The following CYFIP2 variants were observed in gnomAD, a reference collection of about 807,000 sequenced individuals.
The protein encoded by CYFIP2 is cytoplasmic FMR1 interacting protein 2, also known as cytoplasmic FMR1-interacting protein 2.
A neutral mutation model predicts 158.7 loss-of-function variants in CYFIP2; 29 were observed. The observed-to-expected ratio is 0.18, with a 90% CI of 0.14 to 0.25. The LOEUF (loss-of-function observed/expected upper bound fraction) is 0.25, where lower values mean the gene tolerates loss of function less well. Among genes scored for constraint, CYFIP2 ranks in the 10% least tolerant of loss-of-function variants. The probability of loss-of-function intolerance (pLI) is 1.00; values close to 1 mark genes in which losing one functional copy is unlikely to be tolerated. For missense variants in CYFIP2, 852 were observed against 1,639.5 expected, an observed-to-expected ratio of 0.52 and a Z score of 8.29; for synonymous variants, 585 against 617.6, an observed-to-expected ratio of 0.95 and a Z score of 0.78.
At chr5:157,351,611 C>T (rs997843551) in intron 23 of CYFIP2, among the ~76,000 whole-genome samples, 1 of 146,544 alleles carries the variant, frequency 6.8e-6, no homozygotes, top group Non-Finnish European at 1.6e-5. Context: ...TGGCTGCTCT[C>T]ACAAAGCAAG....
At chr5:157,281,892 A>G (rs1318253534) in intron 1 of CYFIP2, among the ~76,000 whole-genome samples, 1 of 152,120 alleles carries the variant, frequency 6.6e-6, no homozygotes, top group Non-Finnish European at 1.5e-5. Flanking sequence ...TTTTTTAAGT[A>G]GAAGATGTGT....
intron 12 of CYFIP2, 129 bp downstream of exon 12, chr5:157,314,592 T>A: frequency 7.6e-7 from 1 of 1,316,154 alleles, no homozygotes; most frequent in Non-Finnish European, 1.0e-6. Context: ...GATTTACCCA[T>A]TTAAAGTATA....
intron 1 of CYFIP2, among the ~76,000 whole-genome samples, chr5:157,274,903 A>G (rs922566534): frequency 1.3e-5 from 2 of 152,104 alleles, no homozygotes; most frequent in African/African-American, 2.4e-5. Flanking sequence ...CTCTTTATTA[A>G]TGAGTTTTAA....
intron 4 of CYFIP2, among the ~76,000 whole-genome samples, chr5:157,295,145 AAAAG>A (rs750183770): frequency 1.2e-4 from 18 of 152,324 alleles, no homozygotes; most frequent in Non-Finnish European, 2.6e-4. Flanking sequence ...GTATGAAGTA[AAAAG>A]AAAGATGTTC....
rs558649015 is a variant in CYFIP2, at chr5:157,294,438, T to C, written c.208-345T>C. 5.3e-5 allele frequency among the ~76,000 whole-genome samples: 8 copies of C among 152,354 alleles called. No homozygotes were observed. The South Asian group carries it at 1.7e-3, about 32-fold the overall frequency. The stretch of plus-strand genomic sequence containing the variant: ...TAACCTATCTGCTGTACATACTGTT[T>C]TGCTACTTGCTTATTTTCTTGCTAA... On this transcript the variant is annotated intron_variant, in intron 3 of 30. Transcript: ENST00000620254.
Position 157,394,198 on chromosome 5 carries a change from A to G in CYFIP2, c.*1198A>G, listed in dbSNP as rs1315304594. The G allele has an allele frequency of 6.6e-6, 1 of 152,114 alleles. No homozygotes were observed. Among genetic ancestry groups the G allele is most frequent in the Non-Finnish European group, 1.5e-5 (1 of 68,040 alleles). The allele number at this position is 152,114 out of a possible 1,614,324, so 9.4% of individuals were successfully genotyped here. On this transcript the variant is annotated 3_prime_UTR_variant, in exon 31 of 31. Coordinates refer to ENST00000620254, the MANE Select transcript of CYFIP2 (RefSeq NM_001037333.3). ...TCTCCCAGGGGTAACATTTACTTCC[A>G]TTTTCTAGACTGAACCAAAAGTCTT...
At chr5:157,392,752 C>A in intron 30 of CYFIP2, 81 bp from the exon 31 acceptor site, 1 of 1,493,806 alleles carries the variant, frequency 6.7e-7, no homozygotes, top group Non-Finnish European at 9.2e-7. Flanking sequence ...GGACCCTGGA[C>A]CTCAGTGACT....
At chr5:157,373,019 T>C (rs1438459416) in intron 26 of CYFIP2, among the ~76,000 whole-genome samples, 2 of 152,068 alleles carry the variant, frequency 1.3e-5, no homozygotes, top group African/African-American at 4.8e-5. Context: ...CGAGAGAGGG[T>C]CATGCCTTAA....
Position 157,330,975 on chromosome 5 carries a change from G to T in CYFIP2, c.2265+125G>T, listed in dbSNP as rs181389620. 3 of 702,400 alleles carry T rather than the reference G, an allele frequency of 4.3e-6. No individual in the cohort carries two copies. In the Admixed American group the frequency reaches 7.6e-5, roughly 18 times the overall value. The allele number at this position is 702,400 out of a possible 1,614,324, so 43.5% of individuals were successfully genotyped here. On this transcript the variant is annotated intron_variant, in intron 20 of 30. Transcript: ENST00000620254. ...CGGCATGTTGCCAGTGTGGATTTCC[G>T]AGCCTGGGTGTAGCACAGCCTCAGG... is the stretch of plus-strand genomic sequence containing the variant.
intron 1 of CYFIP2, among the ~76,000 whole-genome samples, chr5:157,272,145 T>C (rs1756153730): frequency 6.6e-6 from 1 of 152,234 alleles, no homozygotes; most frequent in Admixed American, 6.5e-5. Flanking sequence ...CACCAAGATC[T>C]TTTTCTCTGT....
At chr5:157,275,657 T>G (rs1394610598) in intron 1 of CYFIP2, among the ~76,000 whole-genome samples, 1 of 152,214 alleles carries the variant, frequency 6.6e-6, no homozygotes, top group African/African-American at 2.4e-5. Flanking sequence ...TCCATATGAA[T>G]TTTAGGATCA....
Position 157,391,887 on chromosome 5 carries a change from C to T in CYFIP2, c.3595-946C>T, listed in dbSNP as rs1177385086. Reference sequence around the variant, plus strand: ...TAGTGGCTGCACAATTTTACATTCCCACCAGCAGTACACAAGAGTTCCAAT... The same window carrying T: ...TAGTGGCTGCACAATTTTACATTCCTACCAGCAGTACACAAGAGTTCCAAT... On this transcript the variant is annotated intron_variant, in intron 30 of 30. Transcript: ENST00000620254. 2.6e-5 allele frequency among the ~76,000 whole-genome samples: 4 copies of T among 152,158 alleles called. No individual in the cohort carries two copies. The East Asian group carries it at 7.7e-4, about 29-fold the overall frequency.
intron 3 of CYFIP2, 124 bp downstream of exon 3, chr5:157,287,232 C>T: frequency 2.8e-6 from 2 of 706,334 alleles, no homozygotes; most frequent in Non-Finnish European, 4.9e-6. Context: ...CAGTCAGAAT[C>T]ATCTGCTTAA....
Position 157,395,483 on chromosome 5 carries a change from A to G in CYFIP2, c.*2483A>G, listed in dbSNP as rs776719603. 3 of 488,826 alleles carry G rather than the reference A, an allele frequency of 6.1e-6. No homozygotes were observed. The highest frequency in any genetic ancestry group is 3.1e-5 in the Admixed American group (1 of 32,194). The allele number at this position is 488,826 out of a possible 1,614,324, so 30.3% of individuals were successfully genotyped here. Reference sequence around the variant, plus strand: ...AATAATGATGTTAAATTCTTAAATCATATTTGCTATGCAGCTGAAGATGAT... The same window carrying G: ...AATAATGATGTTAAATTCTTAAATCGTATTTGCTATGCAGCTGAAGATGAT... On this transcript the variant is annotated 3_prime_UTR_variant, in exon 31 of 31. Coordinates refer to ENST00000620254, the MANE Select transcript of CYFIP2 (RefSeq NM_001037333.3).
At chr5:157,374,761 G>A (rs1012955738) in intron 26 of CYFIP2, among the ~76,000 whole-genome samples, 2 of 152,194 alleles carry the variant, frequency 1.3e-5, no homozygotes, top group African/African-American at 2.4e-5. Context: ...GGGGAAAGGA[G>A]GACTGTGGGT....
At chr5:157,370,468 G>A (rs1347595465) in intron 26 of CYFIP2, among the ~76,000 whole-genome samples, 1 of 152,164 alleles carries the variant, frequency 6.6e-6, no homozygotes, top group Non-Finnish European at 1.5e-5. Flanking sequence ...ATACAGCAAA[G>A]TCATATAATT....
intron 1 of CYFIP2, among the ~76,000 whole-genome samples, chr5:157,281,377 AAATACTT>A (rs1228902176): frequency 1.3e-5 from 2 of 152,192 alleles, no homozygotes; most frequent in Non-Finnish European, 2.9e-5. Flanking sequence ...AAAAGGAAAA[AAATACTT>A]TTATGGAAAG....
chr5:157,357,843 G>C (rs1288711237), intron 23 of CYFIP2, among the ~76,000 whole-genome samples: 2 of 151,452 alleles, frequency 1.3e-5, no homozygotes, highest in East Asian at 3.9e-4. Context: ...AAAAAACAAA[G>C]AAAAAAACCT....
At chr5:157,340,210 A>G (rs1762151181) in intron 22 of CYFIP2, among the ~76,000 whole-genome samples, 1 of 152,256 alleles carries the variant, frequency 6.6e-6, no homozygotes, top group South Asian at 2.1e-4. Flanking sequence ...ATTCACATAC[A>G]AAATAAGTAT....
Sources: gnomAD v4.1 joint callset for allele counts (sites outside exome capture counted in the v4.1 genomes callset) on GRCh38, gnomAD v4.1.1 for gene constraint, MANE v1.5 for transcripts, NCBI Gene and HGNC (gene_info 2026-07-23, HGNC 2026-07-21) for gene names.